The following HPSE2 variants were observed in gnomAD, a reference collection of about 807,000 sequenced individuals.
HPSE2 encodes the protein heparanase 2 (inactive).
HPSE2 carries 38 observed loss-of-function variants against 60.5 expected under a neutral mutation model. The ratio of observed to expected loss-of-function variants is 0.63; its 90% CI spans 0.48 to 0.82. HPSE2 has a LOEUF of 0.82. Ranked by LOEUF, HPSE2 falls within the 40% of genes least tolerant of loss-of-function variation. HPSE2 has a pLI of 0.00. For missense variants in HPSE2, 713 were observed against 740.4 expected (o/e 0.96, Z 0.43); for synonymous variants, 295 against 293.2 (o/e 1.01, Z -0.06).
intron 2 of HPSE2, among the ~76,000 whole-genome samples, chr10:99,186,340 C>T (rs1848022612): frequency 2.6e-5 from 4 of 151,694 alleles, no homozygotes; most frequent in Non-Finnish European, 4.4e-5. Flanking sequence ...GTCAGGAGTT[C>T]GAGACCAGCC....
At chr10:98,743,203 C>T (rs969074342) in intron 4 of HPSE2, among the ~76,000 whole-genome samples, 4 of 151,882 alleles carry the variant, frequency 2.6e-5, no homozygotes, top group Admixed American at 2.6e-4. Flanking sequence ...AAATTCCTGA[C>T]CTCGTGATCC....
In HPSE2 at chr10:98,738,737, G is replaced by A. The variant is rs142468330; in HGVS notation, c.784+5146C>T. On this transcript the variant is annotated intron_variant, in intron 4 of 11. Transcript: ENST00000370552. ...TATGAAAAAACGCTCATCATCAGTG[G>A]TCATTAGAGAAATGCAAATCAAAAC... 2.6e-4 allele frequency among the ~76,000 whole-genome samples: 39 copies of A among 152,304 alleles called. No homozygotes were observed. In the East Asian group the frequency reaches 7.1e-3, roughly 28 times the overall value.
At chr10:98,501,262 A>G (rs953815750) in intron 9 of HPSE2, among the ~76,000 whole-genome samples, 1 of 152,168 alleles carries the variant, frequency 6.6e-6, no homozygotes, top group Non-Finnish European at 1.5e-5. Context: ...CTACAGACCA[A>G]TATCCTTGAT....
the HPSE2 span, among the ~76,000 whole-genome samples, chr10:99,262,225 G>T: frequency 1.1e-4 from 17 of 152,068 alleles, no homozygotes; most frequent in Non-Finnish European, 2.2e-4. Flanking sequence ...CTCCATAACT[G>T]TTGTGGGTAT....
intron 4 of HPSE2, among the ~76,000 whole-genome samples, chr10:98,735,651 C>A (rs1949338779): frequency 6.6e-6 from 1 of 152,144 alleles, no homozygotes; most frequent in Non-Finnish European, 1.5e-5. Flanking sequence ...CCATCTTTTG[C>A]ATTGGCGTGA....
At chr10:98,707,411 G>C (rs1192459170) in intron 5 of HPSE2, among the ~76,000 whole-genome samples, 1 of 152,106 alleles carries the variant, frequency 6.6e-6, no homozygotes, top group Admixed American at 6.6e-5. Flanking sequence ...GTTGAAAATT[G>C]GAAACTGGTC....
intron 5 of HPSE2, among the ~76,000 whole-genome samples, chr10:98,697,754 G>A (rs998066705): frequency 2.0e-5 from 3 of 152,150 alleles, no homozygotes; most frequent in African/African-American, 7.2e-5. Flanking sequence ...AGGGCAGCCA[G>A]AGAGAAAGGC....
At chr10:99,125,436 T>C (rs555308472) in intron 3 of HPSE2, among the ~76,000 whole-genome samples, 1 of 152,328 alleles carries the variant, frequency 6.6e-6, no homozygotes, top group African/African-American at 2.4e-5. Context: ...GAAGCTGAGA[T>C]AGCTAAGGAA....
intron 3 of HPSE2, among the ~76,000 whole-genome samples, chr10:98,820,882 A>G (rs1486426985): frequency 1.3e-5 from 2 of 152,224 alleles, no homozygotes; most frequent in Non-Finnish European, 2.9e-5. Context: ...TAGAAACCGT[A>G]GAGAACTCTC....
the HPSE2 span, among the ~76,000 whole-genome samples, chr10:99,280,457 A>T: frequency 3.9e-5 from 6 of 152,208 alleles, no homozygotes; most frequent in African/African-American, 1.4e-4. Context: ...TGGGCATTTT[A>T]GATTCATATG....
chr10:98,761,240 A>G (rs796608103), intron 3 of HPSE2, among the ~76,000 whole-genome samples: 5 of 152,208 alleles, frequency 3.3e-5, no homozygotes, highest in African/African-American at 9.6e-5. Flanking sequence ...AAAAATGAGA[A>G]CAGAAATAAA....
chr10:98,724,831 T>C (rs1192301628), intron 4 of HPSE2, among the ~76,000 whole-genome samples: 2 of 152,126 alleles, frequency 1.3e-5, no homozygotes, highest in Non-Finnish European at 2.9e-5. Context: ...ACAAGCATTC[T>C]TATACACCAA....
intron 2 of HPSE2, among the ~76,000 whole-genome samples, chr10:99,226,965 A>T (rs1849493421): frequency 6.6e-6 from 1 of 152,006 alleles, no homozygotes; most frequent in African/African-American, 2.4e-5. Context: ...CTAAACAGAG[A>T]GTAGATAATC....
chr10:98,744,052 C>A lies in HPSE2; in HGVS notation c.615G>T (p.Arg205Ser), dbSNP rs1949566966. Residue 205 changes from arginine (R) to serine (S), a missense_variant, in exon 4 of 12, where the codon AGG becomes AGT. Physicochemically the swap from Arg to Ser is moderately radical, Grantham distance 110. Coordinates refer to ENST00000370552, the MANE Select transcript of HPSE2 (RefSeq NM_021828.5). Reference protein sequence around the residue: ...NTYSNLILTARSLDKLYNFAD... With the variant: ...NTYSNLILTASSLDKLYNFAD... ...CAAAGTTATAAAGTTTGTCTAGAGACCTGGCTGGGAAGAAGCAGAGAAAGG... is the reference window on the plus strand; with the variant it reads ...CAAAGTTATAAAGTTTGTCTAGAGAACTGGCTGGGAAGAAGCAGAGAAAGG... The A allele has an allele frequency of 6.2e-7, 1 of 1,613,908 alleles. No individual in the cohort carries two copies. Among genetic ancestry groups the A allele is most frequent in the Non-Finnish European group, 8.5e-7 (1 of 1,179,888 alleles).
chr10:99,282,672 A>C, the HPSE2 span, among the ~76,000 whole-genome samples: 1 of 152,326 alleles, frequency 6.6e-6, no homozygotes, highest in African/African-American at 2.4e-5. Flanking sequence ...TCCAATCACA[A>C]TAGAAAGAAA....
chr10:99,069,821 G>GT lies in HPSE2; in HGVS notation c.610+74416dup, dbSNP rs1842730083. 4.0e-5 allele frequency among the ~76,000 whole-genome samples: 6 copies of GT among 151,810 alleles called. No homozygotes were observed. The South Asian group carries it at 1.3e-3, about 32-fold the overall frequency. On this transcript the variant is annotated intron_variant, in intron 3 of 11. Coordinates refer to ENST00000370552, the MANE Select transcript of HPSE2 (RefSeq NM_021828.5). Reference sequence around the variant, plus strand: ...AAAGAGGGTTACACAGACAACCACTGTAAGAGTAGCAGCTTCTCATATGGT... The same window carrying GT: ...AAAGAGGGTTACACAGACAACCACTGTTAAGAGTAGCAGCTTCTCATATGGT...
At chr10:99,290,971 T>C in the HPSE2 span, among the ~76,000 whole-genome samples, 2 of 152,128 alleles carry the variant, frequency 1.3e-5, no homozygotes, top group African/African-American at 4.8e-5. Context: ...TTAGAAATCA[T>C]TCAAAAAGAC....
chr10:99,014,482 T>G (rs966207009), intron 3 of HPSE2, among the ~76,000 whole-genome samples: 4 of 152,196 alleles, frequency 2.6e-5, no homozygotes, highest in Non-Finnish European at 4.4e-5. Flanking sequence ...GTAATGGGAT[T>G]GCTGGGTTGA....
At chr10:98,891,789 T>A (rs2134936289) in intron 3 of HPSE2, among the ~76,000 whole-genome samples, 1 of 152,046 alleles carries the variant, frequency 6.6e-6, no homozygotes, top group African/African-American at 2.4e-5. Context: ...TTTATTTTAC[T>A]GACAGGCTCT....
Sources: gnomAD v4.1 joint callset for allele counts (sites outside exome capture counted in the v4.1 genomes callset) on GRCh38, gnomAD v4.1.1 for gene constraint, MANE v1.5 for transcripts, NCBI Gene and HGNC (gene_info 2026-07-23, HGNC 2026-07-21) for gene names.